The following PCGF3 variants were observed in gnomAD, a reference collection of about 807,000 sequenced individuals.
The protein encoded by PCGF3 is polycomb group ring finger 3.
Under a neutral mutation model 33.1 loss-of-function variants are expected in PCGF3, and 7 were observed. The ratio of observed to expected loss-of-function variants is 0.21; its 90% CI spans 0.12 to 0.40. PCGF3 has a LOEUF of 0.40. Ranked by LOEUF, PCGF3 falls within the 10% of genes least tolerant of loss-of-function variation. The pLI is 1.00. For missense variants in PCGF3, 211 were observed against 313.3 expected, an observed-to-expected ratio of 0.67 and a Z score of 2.46; for synonymous variants, 153 against 121.3, an observed-to-expected ratio of 1.26 and a Z score of -1.72.
chr4:708,371 G>A (rs1271235090), intron 1 of PCGF3, among the ~76,000 whole-genome samples: 1 of 152,138 alleles, frequency 6.6e-6, no homozygotes, highest in Admixed American at 6.5e-5. Flanking sequence ...AAGGAGTACT[G>A]GGACCCTCGG....
intron 8 of PCGF3, 50 bp from the exon 9 acceptor site, chr4:761,229 C>T (rs777630330): frequency 1.3e-6 from 2 of 1,489,184 alleles, no homozygotes; most frequent in Middle Eastern, 3.6e-4. Flanking sequence ...CCTCCAGAAC[C>T]GTCCGGGGGA....
chr4:717,051 C>T (rs1216147244), intron 1 of PCGF3, among the ~76,000 whole-genome samples: 5 of 127,122 alleles, frequency 3.9e-5, no homozygotes, highest in African/African-American at 6.3e-5. Context: ...GAGAACTGGG[C>T]GTCGGTGCTG....
chr4:765,670 T>G (rs1297303609), intron 10 of PCGF3, among the ~76,000 whole-genome samples: 3 of 152,066 alleles, frequency 2.0e-5, no homozygotes, highest in African/African-American at 7.2e-5. Flanking sequence ...TCAGCTGGTG[T>G]TGCTGCCTGG....
exon 11 of PCGF3, chr4:768,097 G>A (rs1745458419): frequency 6.5e-6 from 1 of 152,686 alleles, no homozygotes; most frequent in South Asian, 2.1e-4. Flanking sequence ...GAAATCACTT[G>A]ACTTTGCAAT....
intron 8 of PCGF3, among the ~76,000 whole-genome samples, chr4:752,647 G>A (rs768572073): frequency 2.0e-4 from 31 of 152,278 alleles, no homozygotes; most frequent in South Asian, 6.2e-4. Flanking sequence ...CTCGGGGGTG[G>A]GGGGCCATGC....
At chr4:739,043 C>A (rs1743969926) in intron 6 of PCGF3, among the ~76,000 whole-genome samples, 1 of 152,126 alleles carries the variant, frequency 6.6e-6, no homozygotes, top group South Asian at 2.1e-4. Flanking sequence ...TCTGTAAAGG[C>A]TGCAGTACGT....
chr4:764,990 A>G (rs528066967), exon 10 of PCGF3: 1 of 1,613,720 alleles, frequency 6.2e-7, no homozygotes, highest in Non-Finnish European at 8.5e-7. Flanking sequence ...CCAGCTGGAC[A>G]TTTTATGCAA....
intron 3 of PCGF3, among the ~76,000 whole-genome samples, chr4:733,408 G>A (rs939726739): frequency 6.6e-6 from 1 of 152,256 alleles, no homozygotes; most frequent in Non-Finnish European, 1.5e-5. Flanking sequence ...CAGGAGGAGA[G>A]GAGGGGGTGT....
chr4:765,426 C>CT (rs1488348836), intron 10 of PCGF3, among the ~76,000 whole-genome samples: 7 of 109,056 alleles, frequency 6.4e-5, no homozygotes, highest in African/African-American at 1.1e-4. Context: ...GAGGGAGACT[C>CT]TGTCTCAAAA....
intron 1 of PCGF3, among the ~76,000 whole-genome samples, chr4:711,211 A>G (rs543087106): frequency 3.0e-4 from 45 of 152,270 alleles, no homozygotes; most frequent in African/African-American, 9.9e-4. Context: ...CCCTCCCACC[A>G]TGCCGCACTC....
intron 4 of PCGF3, 75 bp downstream of exon 4, chr4:733,864 G>A: frequency 6.2e-7 from 1 of 1,611,152 alleles, no homozygotes; most frequent in Non-Finnish European, 8.5e-7. Flanking sequence ...CTTGGCTTTT[G>A]TGTTACCACA....
At chr4:750,294 C>T (rs1174839282) in intron 8 of PCGF3, among the ~76,000 whole-genome samples, 2 of 152,232 alleles carry the variant, frequency 1.3e-5, no homozygotes, top group African/African-American at 2.4e-5. Flanking sequence ...CCATCCACTC[C>T]TCTTTCTAGT....
At chr4:764,835 A>C in intron 9 of PCGF3, 149 bp from the exon 10 acceptor site, 1 of 613,164 alleles carries the variant, frequency 1.6e-6, no homozygotes, top group East Asian at 2.8e-5. Context: ...GGGATGGAGG[A>C]ATACATGAAC....
chr4:757,934 C>T (rs534669109), intron 8 of PCGF3, among the ~76,000 whole-genome samples: 29 of 152,074 alleles, frequency 1.9e-4, no homozygotes, highest in African/African-American at 6.5e-4. Flanking sequence ...TTTGGGAAGC[C>T]GAGGTGGGCA....
chr4:762,115 T>C (rs1745093895), intron 9 of PCGF3: 1 of 984,514 alleles, frequency 1.0e-6, no homozygotes. Flanking sequence ...GACTCAGTGG[T>C]GGCCCCAGAA....
intron 1 of PCGF3, among the ~76,000 whole-genome samples, chr4:723,148 C>G (rs1398443022): frequency 6.6e-6 from 1 of 151,760 alleles, no homozygotes; most frequent in Non-Finnish European, 1.5e-5. Context: ...CAGTCATCGC[C>G]GTCCGCGCCG....
chr4:751,357 G>A lies in PCGF3; in HGVS notation c.462+6669G>A, dbSNP rs182808159. Among the ~76,000 whole-genome samples, 220 of 152,220 alleles carry A rather than the reference G, an allele frequency of 1.4e-3. 1 individual carries two copies. The highest frequency in any genetic ancestry group is 5.0e-3 in the African/African-American group (209 of 41,512). On this transcript the variant is annotated intron_variant, in intron 8 of 10. Coordinates refer to ENST00000362003, the Ensembl canonical transcript of PCGF3. ...CATCTTACTGAAGTTTTGATGCGAC[G>A]TTATAGTTATTTAGGCTTAACGGGA... is the stretch of plus-strand genomic sequence containing the variant.
At chr4:750,238 G>A (rs1251397401) in intron 8 of PCGF3, among the ~76,000 whole-genome samples, 7 of 152,184 alleles carry the variant, frequency 4.6e-5, no homozygotes, top group Non-Finnish European at 1.0e-4. Flanking sequence ...CTTTTTAATC[G>A]AGAAGTTTGT....
chr4:729,086 C>T (rs576458293), intron 1 of PCGF3, among the ~76,000 whole-genome samples: 45 of 112,294 alleles, frequency 4.0e-4, no homozygotes, highest in African/African-American at 1.5e-3. Context: ...GGTGACAGAG[C>T]GAGACTCCAT....
Sources: gnomAD v4.1 joint callset for allele counts (sites outside exome capture counted in the v4.1 genomes callset) on GRCh38, gnomAD v4.1.1 for gene constraint, MANE v1.5 for transcripts, NCBI Gene and HGNC (gene_info 2026-07-23, HGNC 2026-07-21) for gene names.